ZFHX3: variants seen among roughly 807,000 people sequenced by gnomAD.
ZFHX3 encodes zinc finger homeobox protein 3.
In ZFHX3, 42 loss-of-function variants were observed where a neutral mutation model predicts 279.1. The observed-to-expected ratio is 0.15, with a 90% CI of 0.12 to 0.19. The LOEUF (loss-of-function observed/expected upper bound fraction) is 0.19. Ranked by LOEUF, ZFHX3 falls within the 10% of genes least tolerant of loss-of-function variation. The pLI is 1.00. For missense variants in ZFHX3, 4,981 were observed against 4,754.0 expected (o/e 1.05, Z -1.40); for synonymous variants, 2,293 against 1,957.8 (o/e 1.17, Z -4.52).
chr16:73,715,635 C>T (rs984353631), intron 1 of ZFHX3, among the ~76,000 whole-genome samples: 4 of 131,994 alleles, frequency 3.0e-5, no homozygotes, highest in East Asian at 2.4e-4. Context: ...TGCAATGGTG[C>T]GATCTCGGCT....
chr16:72,876,298 C>T (rs2038310573), intron 4 of ZFHX3, among the ~76,000 whole-genome samples: 1 of 152,220 alleles, frequency 6.6e-6, no homozygotes, highest in Non-Finnish European at 1.5e-5. Flanking sequence ...GGGATCCAGT[C>T]TCGCTTGAGA....
intron 2 of ZFHX3, among the ~76,000 whole-genome samples, chr16:73,589,130 C>T (rs892102347): frequency 6.6e-6 from 1 of 150,626 alleles, no homozygotes; most frequent in African/African-American, 2.4e-5. Context: ...TGTGGTGATG[C>T]ACGCCTGTAA....
chr16:72,890,831 G>A (rs754516789), intron 3 of ZFHX3, among the ~76,000 whole-genome samples: 2 of 152,242 alleles, frequency 1.3e-5, no homozygotes, highest in Non-Finnish European at 2.9e-5. Context: ...TTTACATACT[G>A]TCTATGGATG....
chr16:73,178,937 T>C lies in ZFHX3; in HGVS notation c.-1103-35106A>G, dbSNP rs567816589. ...AGCTTTTGTTATATGAAGCACTGTTTAGTCACTACAGGGGATACAATGATG... is the reference window on the plus strand; with the variant it reads ...AGCTTTTGTTATATGAAGCACTGTTCAGTCACTACAGGGGATACAATGATG... On this transcript the variant is annotated intron_variant, in intron 5 of 17. Coordinates refer to the ZFHX3 transcript ENST00000641206. Among the ~76,000 whole-genome samples, 4 of 152,276 alleles carry C rather than the reference T, an allele frequency of 2.6e-5. No individual in the cohort carries two copies. The South Asian group carries it at 8.3e-4, about 32-fold the overall frequency.
intron 5 of ZFHX3, among the ~76,000 whole-genome samples, chr16:73,174,673 T>G (rs1408872907): frequency 2.0e-5 from 3 of 151,990 alleles, no homozygotes; most frequent in Non-Finnish European, 4.4e-5. Context: ...ACTCTTCTCC[T>G]GCCCCATTGC....
intron 1 of ZFHX3, among the ~76,000 whole-genome samples, chr16:73,863,030 C>A (rs1240880143): frequency 6.6e-6 from 1 of 151,936 alleles, no homozygotes; most frequent in Non-Finnish European, 1.5e-5. Context: ...CATACTGAAA[C>A]CCCTTCTCTA....
Position 72,787,739 on chromosome 16 carries a change from TGCCAC to T in ZFHX3, c.10532_10536del (p.Gly3511GlufsTer58). On this transcript the variant is annotated frameshift_variant, in exon 10 of 10. Transcript: ENST00000268489. LOFTEE classifies it high-confidence loss of function. ...CCGCCACCGCCGCCGCCGCCGCCAC[TGCCAC>T]CGCCGCCGCCGCCGGTGGGGACGTG... 1.4e-6 allele frequency: 2 copies of T among 1,396,862 alleles called. No homozygotes were observed. Among genetic ancestry groups the T allele is most frequent in the Non-Finnish European group, 1.9e-6 (2 of 1,072,208 alleles). The allele number at this position is 1,396,862 out of a possible 1,614,324, so 86.5% of individuals were successfully genotyped here.
intron 2 of ZFHX3, among the ~76,000 whole-genome samples, chr16:73,631,433 T>A (rs2052467781): frequency 6.6e-6 from 1 of 152,192 alleles, no homozygotes; most frequent in African/African-American, 2.4e-5. Flanking sequence ...GTATCTACCA[T>A]CTTATCTTTT....
chr16:72,812,799 A>G (rs1013843700), intron 5 of ZFHX3, among the ~76,000 whole-genome samples: 4 of 152,180 alleles, frequency 2.6e-5, no homozygotes, highest in African/African-American at 9.7e-5. Flanking sequence ...ACCAAACGCT[A>G]TTTAAAGAGG....
At chr16:73,634,433 AATATAT>A (rs60477881) in intron 2 of ZFHX3, among the ~76,000 whole-genome samples, 1,040 of 59,878 alleles carry the variant, frequency 0.017, 28 homozygotes, top group African/African-American at 0.039. Context: ...TATTATGTAT[AATATAT>A]ATATATATAT....
At chr16:73,084,976 G>A (rs374878857) in intron 8 of ZFHX3, among the ~76,000 whole-genome samples, 20 of 152,030 alleles carry the variant, frequency 1.3e-4, no homozygotes, top group African/African-American at 4.6e-4. Context: ...AGTACTACCC[G>A]AAGCAATTTA....
chr16:73,804,211 C>T (rs189029), intron 1 of ZFHX3, among the ~76,000 whole-genome samples: 8,925 of 151,954 alleles, frequency 0.059, 845 homozygotes, highest in African/African-American at 0.2. Context: ...GTAGGAGGAA[C>T]GAGGAGGAAG....
intron 1 of ZFHX3, among the ~76,000 whole-genome samples, chr16:73,724,410 AT>A (rs1215291212): frequency 1.3e-5 from 2 of 152,156 alleles, no homozygotes; most frequent in African/African-American, 2.4e-5. Flanking sequence ...ACTGGGAGAT[AT>A]TTTTTTACAA....
chr16:73,816,980 T>A lies in ZFHX3; in HGVS notation c.-1608+74671A>T, dbSNP rs187055235. 6.6e-5 allele frequency among the ~76,000 whole-genome samples: 10 copies of A among 152,052 alleles called. No individual in the cohort carries two copies. In the East Asian group the frequency reaches 1.7e-3, roughly 26 times the overall value. The stretch of plus-strand genomic sequence containing the variant: ...GCTTCCTAGCATGAGACATTGAAGG[T>A]CCCCACATCCCAGGAGCCATGGGAC... On this transcript the variant is annotated intron_variant, in intron 1 of 17. Transcript: ENST00000641206.
upstream of ZFHX3, among the ~76,000 whole-genome samples, chr16:73,062,719 C>CAAA (rs34849067): frequency 4.2e-4 from 60 of 143,222 alleles, no homozygotes; most frequent in African/African-American, 1.5e-3. Flanking sequence ...GACACAGAAG[C>CAAA]AAAAAAAAAA....
intron 3 of ZFHX3, among the ~76,000 whole-genome samples, chr16:72,940,929 T>TG (rs1462014610): frequency 1.3e-5 from 2 of 152,400 alleles, no homozygotes; most frequent in African/African-American, 4.8e-5. Context: ...ACCTACTCTC[T>TG]GCATTCCCTA....
At chr16:73,284,162 C>T (rs2014530040) in intron 4 of ZFHX3, among the ~76,000 whole-genome samples, 1 of 151,476 alleles carries the variant, frequency 6.6e-6, no homozygotes, top group South Asian at 2.1e-4. Context: ...ACTAAAAATA[C>T]AAAAATTAGC....
rs564995485 is a variant in ZFHX3, at chr16:73,543,409, C to T, written c.-1546-87151G>A. Among the ~76,000 whole-genome samples the T allele has an allele frequency of 2.2e-3, 338 of 152,308 alleles. 1 individual carries two copies. Among genetic ancestry groups the T allele is most frequent in the Non-Finnish European group, 3.7e-3 (255 of 68,026 alleles). ...GGAGGGATTAATTGGAGCTGTGCAT[C>T]TCGGCCTGGTCCCCCCTTTCCTTGT... On this transcript the variant is annotated intron_variant, in intron 2 of 17. Transcript: ENST00000641206.
rs569847821 is a variant in ZFHX3 at position 73,280,156 on chromosome 16, A to G, written c.-1193-23020T>C. Among the ~76,000 whole-genome samples, 18 of 152,318 alleles carry G rather than the reference A, an allele frequency of 1.2e-4. No individual in the cohort carries two copies. In the South Asian group the frequency reaches 3.5e-3, roughly 30 times the overall value. Reference sequence around the variant, plus strand: ...TAAAGACTTAAATGTAAGACCTGACACCATAACACTCTTAGAAGAGAACAT... The same window carrying G: ...TAAAGACTTAAATGTAAGACCTGACGCCATAACACTCTTAGAAGAGAACAT... On this transcript the variant is annotated intron_variant, in intron 4 of 17. Transcript: ENST00000641206.
Sources: allele counts gnomAD v4.1 joint callset (sites outside exome capture counted in the v4.1 genomes callset), GRCh38; gene constraint gnomAD v4.1.1; transcripts MANE v1.5; gene names NCBI Gene and HGNC (gene_info 2026-07-23, HGNC 2026-07-21).